Variants in PLEKHA6 observed in about 807,000 individuals in gnomAD.
PLEKHA6 encodes pleckstrin homology domain containing A6.
Under a neutral mutation model 116.7 loss-of-function variants are expected in PLEKHA6, and 60 were observed. The ratio of observed to expected loss-of-function variants is 0.51; its 90% CI spans 0.42 to 0.64. The LOEUF is 0.64. PLEKHA6 is among the 30% of genes least tolerant of loss of function. The pLI is 0.00. For missense variants in PLEKHA6, 1,338 were observed against 1,422.7 expected, an observed-to-expected ratio of 0.94 and a Z score of 0.96; for synonymous variants, 489 against 556.1, an observed-to-expected ratio of 0.88 and a Z score of 1.70.
At chr1:204,377,923 A>G (rs1673901062), upstream of PLEKHA6, 1 of 152,088 alleles carries the variant, frequency 6.6e-6, no homozygotes, top group Non-Finnish European at 1.5e-5. Context: ...CCCAGACACC[A>G]CCTGCCTCCT....
At chr1:204,252,261 C>T (rs1664672118) in intron 9 of PLEKHA6, among the ~76,000 whole-genome samples, 1 of 150,892 alleles carries the variant, frequency 6.6e-6, no homozygotes, top group South Asian at 2.1e-4. Context: ...CACATTCTTT[C>T]TATTTCAAGA....
chr1:204,259,490 C>T lies in PLEKHA6; in HGVS notation c.775G>A (p.Val259Met). ...GCAGGCTGTTCCCCACCCCCTGGCA[C>T]TCTTGGGCCCTCGGGGTAAGGGCTG... ...PGSPYPEGPR[V>M]PGGGEQPAQP... Residue 259 changes from valine to methionine, a missense_variant, in exon 8 of 23, where the codon GTG becomes ATG. Physicochemically the swap from Val to Met is conservative, Grantham distance 21. Coordinates refer to ENST00000272203, the MANE Select transcript of PLEKHA6 (RefSeq NM_014935.5). The surrounding 1 kb of genome is among the most constrained non-coding windows in gnomAD (Gnocchi z 4.6). 1.2e-6 allele frequency: 2 copies of T among 1,614,180 alleles called. No homozygotes were observed. The highest frequency in any genetic ancestry group is 1.7e-6 in the Non-Finnish European group (2 of 1,180,000).
intron 13 of PLEKHA6, 107 bp from the exon 14 acceptor site, chr1:204,245,833 G>T (rs938386522): frequency 6.7e-5 from 47 of 701,678 alleles, no homozygotes; most frequent in Non-Finnish European, 1.1e-4. Flanking sequence ...CCAGCAGGAG[G>T]CAGGCACCCT....
At chr1:204,310,554 AAC>A (rs1281459499) in intron 1 of PLEKHA6, among the ~76,000 whole-genome samples, 1 of 152,224 alleles carries the variant, frequency 6.6e-6, no homozygotes, top group Non-Finnish European at 1.5e-5. Context: ...ATTTACATAC[AAC>A]CTTGACCCTC....
intron 3 of PLEKHA6, among the ~76,000 whole-genome samples, chr1:204,269,542 A>G (rs865828250): frequency 8.9e-5 from 13 of 146,252 alleles, no homozygotes; most frequent in Non-Finnish European, 1.8e-4. Context: ...GCTCCACCCC[A>G]CACCCTCACC....
intron 1 of PLEKHA6, among the ~76,000 whole-genome samples, chr1:204,301,973 T>C (rs755041033): frequency 6.6e-6 from 1 of 152,178 alleles, no homozygotes; most frequent in Non-Finnish European, 1.5e-5. Flanking sequence ...GAAGACCTAG[T>C]CCATCCTGCC....
chr1:204,333,194 G>A (rs1250936381), intron 1 of PLEKHA6, among the ~76,000 whole-genome samples: 1 of 152,212 alleles, frequency 6.6e-6, no homozygotes, highest in Non-Finnish European at 1.5e-5. Flanking sequence ...GGAAGAAGGG[G>A]AAGGAAGGGA....
chr1:204,360,586 A>G (rs924582969), upstream of PLEKHA6, among the ~76,000 whole-genome samples: 9 of 152,144 alleles, frequency 5.9e-5, no homozygotes, highest in African/African-American at 2.2e-4. Context: ...TAAGGGCTTC[A>G]GTTGGTAAAA....
intron 1 of PLEKHA6, among the ~76,000 whole-genome samples, chr1:204,354,084 G>A (rs1445754106): frequency 1.3e-5 from 2 of 152,174 alleles, no homozygotes; most frequent in Non-Finnish European, 2.9e-5. Flanking sequence ...AAAGCAAATT[G>A]GCACCTGCAA....
chr1:204,354,233 C>T (rs561148040), intron 1 of PLEKHA6, among the ~76,000 whole-genome samples: 240 of 152,232 alleles, frequency 1.6e-3, no homozygotes, highest in African/African-American at 5.5e-3. Context: ...TCCGACTAAC[C>T]CGAGGAAGAC....
chr1:204,301,465 T>C (rs1670807444), intron 1 of PLEKHA6: 1 of 985,430 alleles, frequency 1.0e-6, no homozygotes, highest in South Asian at 4.7e-5. Context: ...ACTTCAGGTA[T>C]AGACATGCCC....
intron 8 of PLEKHA6, among the ~76,000 whole-genome samples, chr1:204,258,185 G>A (rs1420046839): frequency 6.6e-6 from 1 of 152,196 alleles, no homozygotes; most frequent in Non-Finnish European, 1.5e-5. Context: ...TCTTTTCTGA[G>A]AGAGGCAAAT....
In PLEKHA6 at chr1:204,238,933, T is replaced by C. The variant is rs1416449613; in HGVS notation, c.2409+2442A>G. 6.6e-6 allele frequency among the ~76,000 whole-genome samples: 1 copy of C among 152,244 alleles called. No individual in the cohort carries two copies. Among genetic ancestry groups the C allele is most frequent in the African/African-American group, 2.4e-5 (1 of 41,474 alleles). ...AAGGAGAAATGGCCAGATGTGCGAT[T>C]ATATACTGATTCATGGGCTGTAGCC... is the stretch of plus-strand genomic sequence containing the variant. On this transcript the variant is annotated intron_variant, in intron 17 of 22. Transcript: ENST00000272203. This position sits in a 1 kb window ranked among gnomAD's most constrained non-coding sequence, Gnocchi z 4.2.
intron 1 of PLEKHA6, chr1:204,346,776 T>C: frequency 1.0e-6 from 1 of 995,554 alleles, no homozygotes; most frequent in African/African-American, 1.6e-5. Flanking sequence ...TTAACACCTA[T>C]TATGCCATGA....
At chr1:204,242,737 C>T (rs1052020557) in intron 15 of PLEKHA6, among the ~76,000 whole-genome samples, 1 of 152,166 alleles carries the variant, frequency 6.6e-6, no homozygotes, top group Non-Finnish European at 1.5e-5. Flanking sequence ...TGGAGTGGGG[C>T]CTGGGATGGG....
At chr1:204,233,342 A>ATT (rs143142208) in intron 17 of PLEKHA6, among the ~76,000 whole-genome samples, 3,620 of 132,950 alleles carry the variant, frequency 0.027, 150 homozygotes, top group African/African-American at 0.083. Flanking sequence ...CACCTGGCTA[A>ATT]TTTTTTTTTT....
At chr1:204,372,862 T>C (rs1328642577) in intron 1 of PLEKHA6, among the ~76,000 whole-genome samples, 1 of 151,496 alleles carries the variant, frequency 6.6e-6, no homozygotes, top group Non-Finnish European at 1.5e-5. Context: ...AATCATACAA[T>C]CATACAATAC....
intron 1 of PLEKHA6, among the ~76,000 whole-genome samples, chr1:204,322,460 T>C (rs900302412): frequency 7.2e-5 from 11 of 152,212 alleles, no homozygotes; most frequent in African/African-American, 2.7e-4. Flanking sequence ...ACCAGCTCCC[T>C]GGCGTGACTT....
chr1:204,311,467 GGCAACAAGA>G (rs1443609401), intron 1 of PLEKHA6: 1 of 263,352 alleles, frequency 3.8e-6, no homozygotes, highest in African/African-American at 2.3e-5. Context: ...CTCCAACCTG[GGCAACAAGA>G]GCGAAACTCT....
Sources: gnomAD v4.1 joint callset for allele counts (sites outside exome capture counted in the v4.1 genomes callset) on GRCh38, gnomAD v4.1.1 for gene constraint, Gnocchi (gnomAD v3.1) non-coding constraint, MANE v1.5 for transcripts, NCBI Gene and HGNC (gene_info 2026-07-23, HGNC 2026-07-21) for gene names.